The following OR10G8 variants were observed in gnomAD, a reference collection of about 807,000 sequenced individuals.
OR10G8 encodes olfactory receptor family 10 subfamily G member 8.
For missense variants in OR10G8, 386 were observed against 384.9 expected, an observed-to-expected ratio of 1.00 and a Z score of -0.02; for synonymous variants, 173 against 163.2, an observed-to-expected ratio of 1.06 and a Z score of -0.46.
rs140632642 is a variant in OR10G8, at chr11:124,030,265, C to G, written c.643C>G (p.Leu215Val). Residue 215 changes from leucine (L) to valine (V), a missense_variant, in exon 2 of 2, where the codon CTG (leucine) becomes GTG (valine). By Grantham distance (32) the Leu-to-Val change is conservative. Coordinates refer to ENST00000641224, the MANE Select transcript of OR10G8 (RefSeq NM_001004464.2). ...VASGCFVLIV[L>V]SYVSIVCSIL... is the part of the protein sequence containing the mutation. ...CTCGGGCTGCTTTGTCCTGATAGTG[C>G]TGTCCTATGTGTCCATCGTCTGTTC... 3.1e-6 allele frequency: 5 copies of G among 1,614,120 alleles called. No homozygotes were observed. In the African/African-American group the frequency reaches 6.7e-5, roughly 22 times the overall value.
rs1226628293 is a variant in OR10G8, at chr11:124,030,192, C to A, written c.570C>A (p.Asp190Glu). ...APPILKLACA[D>E]TSAIETVIFV... ...CCATCCTGAAACTGGCCTGTGCAGA[C>A]ACCTCAGCCATAGAGACTGTCATTT... Residue 190 changes from aspartate to glutamate, a missense_variant, in exon 2 of 2, where the codon GAC becomes GAA. By Grantham distance (45) the Asp-to-Glu change is conservative. Transcript: ENST00000641224. The A allele has an allele frequency of 6.2e-7, 1 of 1,614,100 alleles. No homozygotes were observed. The highest frequency in any genetic ancestry group is 1.7e-5 in the Admixed American group (1 of 60,024).
rs1864111559 is a variant in OR10G8 at position 124,026,800 on chromosome 11, ATT to A, written c.-94_-93del. The A allele has an allele frequency of 6.6e-6, 1 of 152,150 alleles. No homozygotes were observed. Among genetic ancestry groups the A allele is most frequent in the South Asian group, 2.1e-4 (1 of 4,828 alleles). The allele number at this position is 152,150 out of a possible 1,614,324, so 9.4% of individuals were successfully genotyped here. On this transcript the variant is annotated 5_prime_UTR_variant, in exon 1 of 2. Coordinates refer to ENST00000641224, the MANE Select transcript of OR10G8 (RefSeq NM_001004464.2). ...CACCAAAAAGTGAGGACCATTATGG[ATT>A]ATGGAAAATTTTAAGTTGAGAGCAA...
At chr11:124,029,305 C>A (rs1864132504) in intron 1 of OR10G8, among the ~76,000 whole-genome samples, 1 of 152,040 alleles carries the variant, frequency 6.6e-6, no homozygotes, top group Admixed American at 6.6e-5. Flanking sequence ...GAGGGCGAGA[C>A]AATAAATTTG....
chr11:124,028,233 C>T (rs1352226294), intron 1 of OR10G8, among the ~76,000 whole-genome samples: 4 of 152,184 alleles, frequency 2.6e-5, no homozygotes, highest in African/African-American at 9.7e-5. Context: ...ATATGAATGC[C>T]ATGTTCTCAG....
At position 124,030,033 on chromosome 11, in the gene OR10G8, G is replaced by A. The variant is rs753538705; in HGVS notation, c.411G>A (p.Gly137=). Residue 137 remains glycine (G), a synonymous_variant, in exon 2 of 2, where the codon GGG becomes GGA. Coordinates refer to ENST00000641224, the MANE Select transcript of OR10G8 (RefSeq NM_001004464.2). ...TCAGGTACACCAGCATGATGACTGG[G>A]CGCTCGTGTACTCTTCTGGCCACCA... ...YPLRYTSMMT[G]RSCTLLATST... is the part of the protein sequence containing the mutation. 8 of 1,613,986 alleles carry A rather than the reference G, an allele frequency of 5.0e-6. No homozygotes were observed. The highest frequency in any genetic ancestry group is 3.3e-5 in the South Asian group (3 of 91,082).
intron 1 of OR10G8, among the ~76,000 whole-genome samples, chr11:124,028,182 A>C (rs536473089): frequency 6.6e-6 from 1 of 152,346 alleles, no homozygotes; most frequent in Admixed American, 6.5e-5. Context: ...AGTATGAAAG[A>C]CAGCTGGCCT....
Position 124,030,168 on chromosome 11 carries a change from C to G in OR10G8, c.546C>G (p.Pro182=). The G allele has an allele frequency of 6.2e-7, 1 of 1,614,046 alleles. No homozygotes were observed. Among genetic ancestry groups the G allele is most frequent in the South Asian group, 1.1e-5 (1 of 91,078 alleles). The change falls in exon 2 of 2, where the codon CCC becomes CCG. Residue 182 remains proline, a synonymous_variant. Transcript: ENST00000641224. The part of the protein sequence containing the change: ...WIQHYLCDAP[P]ILKLACADTS... ...AGCACTATTTGTGTGATGCACCGCC[C>G]ATCCTGAAACTGGCCTGTGCAGACA... is the stretch of plus-strand genomic sequence containing the variant.
At position 124,030,220 on chromosome 11, in the gene OR10G8, G is replaced by A. The variant is rs377572598; in HGVS notation, c.598G>A (p.Val200Met). The A allele has an allele frequency of 5.0e-6, 8 of 1,614,024 alleles. No individual in the cohort carries two copies. The highest frequency in any genetic ancestry group is 1.7e-5 in the Admixed American group (1 of 60,002). Residue 200 changes from valine to methionine, a missense_variant, in exon 2 of 2, where the codon GTG becomes ATG. Coordinates refer to ENST00000641224, the MANE Select transcript of OR10G8 (RefSeq NM_001004464.2). Reference sequence around the variant, plus strand: ...CTCAGCCATAGAGACTGTCATTTTTGTGACTGTTGGAATAGTGGCCTCGGG... The same window carrying A: ...CTCAGCCATAGAGACTGTCATTTTTATGACTGTTGGAATAGTGGCCTCGGG... ...DTSAIETVIFVTVGIVASGCF... is the reference protein window; with the variant it reads ...DTSAIETVIFMTVGIVASGCF...
Position 124,029,986 on chromosome 11 carries a change from T to C in OR10G8, c.364T>C (p.Tyr122His). 1 of 1,614,150 alleles carries C rather than the reference T, an allele frequency of 6.2e-7. No homozygotes were observed. The highest frequency in any genetic ancestry group is 8.5e-7 in the Non-Finnish European group (1 of 1,180,022). ...CTACAGGGTCATGTCCTGTGATCGC[T>C]ACCTGGCCATCAGTTACCCGCTCAG... Reference protein sequence around the residue: ...FLYRVMSCDRYLAISYPLRYT... With the variant: ...FLYRVMSCDRHLAISYPLRYT... The change falls in exon 2 of 2, where the codon TAC (tyrosine) becomes CAC (histidine). Residue 122 changes from tyrosine (Y) to histidine (H), a missense_variant. By Grantham distance (83) the Tyr-to-His change is moderately conservative. Coordinates refer to ENST00000641224, the MANE Select transcript of OR10G8 (RefSeq NM_001004464.2).
rs199629354 is a variant in OR10G8 at position 124,030,203 on chromosome 11, T to C, written c.581T>C (p.Ile194Thr). The change falls in exon 2 of 2, where the codon ATA becomes ACA. Residue 194 changes from isoleucine to threonine, a missense_variant. By Grantham distance (89) the Ile-to-Thr change is moderately conservative (BLOSUM62 -1). Coordinates refer to ENST00000641224, the MANE Select transcript of OR10G8 (RefSeq NM_001004464.2). Reference protein sequence around the residue: ...LKLACADTSAIETVIFVTVGI... With the variant: ...LKLACADTSATETVIFVTVGI... ...CTGGCCTGTGCAGACACCTCAGCCATAGAGACTGTCATTTTTGTGACTGTT... is the reference window on the plus strand; with the variant it reads ...CTGGCCTGTGCAGACACCTCAGCCACAGAGACTGTCATTTTTGTGACTGTT... The C allele has an allele frequency of 1.6e-4, 254 of 1,614,102 alleles. No homozygotes were observed. The highest frequency in any genetic ancestry group is 4.4e-4 in the African/African-American group (33 of 75,044).
chr11:124,029,597 G>A lies in OR10G8; in HGVS notation c.-26G>A, dbSNP rs752512457. On this transcript the variant is annotated splice_region_variant and 5_prime_UTR_variant, in exon 2 of 2. Coordinates refer to ENST00000641224, the MANE Select transcript of OR10G8 (RefSeq NM_001004464.2). ...GCTGGGTGCTCTTTATATTCCCAGA[G>A]GGAGAGAGACCAAGGGTGAGAAGAA... The A allele has an allele frequency of 2.5e-6, 4 of 1,604,800 alleles. No homozygotes were observed. The highest frequency in any genetic ancestry group is 2.2e-5 in the East Asian group (1 of 44,678).
intron 1 of OR10G8, among the ~76,000 whole-genome samples, chr11:124,028,758 T>A (rs1591467938): frequency 6.6e-6 from 1 of 152,188 alleles, no homozygotes; most frequent in South Asian, 2.1e-4. Context: ...TTTCAAATAT[T>A]CCCAGCCACT....
chr11:124,029,857 TTGCTGA>T lies in OR10G8; in HGVS notation c.238_243del (p.Leu80_Met81del). On this transcript the variant is annotated inframe_deletion, in exon 2 of 2. Coordinates refer to ENST00000641224, the MANE Select transcript of OR10G8 (RefSeq NM_001004464.2). ...GTTCTCCACTGTCACGGTGCCCAAATTGCTGATGACTTTGGTGTTCCCAAGTGGCAG... is the reference window on the plus strand; with the variant it reads ...GTTCTCCACTGTCACGGTGCCCAAATTGACTTTGGTGTTCCCAAGTGGCAG... 6.2e-7 allele frequency: 1 copy of T among 1,614,152 alleles called. No homozygotes were observed.
intron 1 of OR10G8, 91 bp downstream of exon 1, chr11:124,026,958 A>G (rs148998921): frequency 6.6e-6 from 1 of 152,348 alleles, no homozygotes; most frequent in East Asian, 1.9e-4. Context: ...AACTCTAAGG[A>G]AATGTGTGCA....
chr11:124,029,499 C>T, intron 1 of OR10G8, 97 bp from the exon 2 acceptor site: 1 of 1,125,638 alleles, frequency 8.9e-7, no homozygotes, highest in Admixed American at 2.4e-5. Flanking sequence ...CACAATAACT[C>T]CAGAATTATC....
chr11:124,030,009 C>T lies in OR10G8; in HGVS notation c.387C>T (p.Leu129=), dbSNP rs778779459. 4 of 1,614,186 alleles carry T rather than the reference C, an allele frequency of 2.5e-6. No homozygotes were observed. Among genetic ancestry groups the T allele is most frequent in the Non-Finnish European group, 3.4e-6 (4 of 1,180,032 alleles). Residue 129 remains leucine, a synonymous_variant, in exon 2 of 2, where the codon CTC becomes CTT. Transcript: ENST00000641224. The part of the protein sequence containing the change: ...CDRYLAISYP[L]RYTSMMTGRS... ...GCTACCTGGCCATCAGTTACCCGCT[C>T]AGGTACACCAGCATGATGACTGGGC...
rs772435918 is a variant in OR10G8, at chr11:124,030,155, G to T, written c.533G>T (p.Cys178Phe). 3.1e-6 allele frequency: 5 copies of T among 1,613,912 alleles called. No homozygotes were observed. The highest frequency in any genetic ancestry group is 4.2e-6 in the Non-Finnish European group (5 of 1,179,916). ...CCCAACTGGATCCAGCACTATTTGT[G>T]TGATGCACCGCCCATCCTGAAACTG... The part of the protein sequence containing the change: ...CGPNWIQHYL[C>F]DAPPILKLAC... Residue 178 changes from cysteine to phenylalanine, a missense_variant, in exon 2 of 2, where the codon TGT becomes TTT. Physicochemically the swap from Cys to Phe is radical, Grantham distance 205 (BLOSUM62 -2). Coordinates refer to ENST00000641224, the MANE Select transcript of OR10G8 (RefSeq NM_001004464.2).
intron 1 of OR10G8, among the ~76,000 whole-genome samples, chr11:124,027,483 A>C (rs1016979158): frequency 3.3e-5 from 5 of 152,226 alleles, no homozygotes; most frequent in African/African-American, 1.2e-4. Context: ...GTTAATATGC[A>C]AGTCAAACAT....
chr11:124,029,049 G>GC (rs140603317), intron 1 of OR10G8, among the ~76,000 whole-genome samples: 9,471 of 152,100 alleles, frequency 0.062, 378 homozygotes, highest in Non-Finnish European at 0.088. Context: ...TTTTAAGAAG[G>GC]CCAAGTAGCT....
Sources: gnomAD v4.1 joint callset for allele counts (sites outside exome capture counted in the v4.1 genomes callset) on GRCh38, gnomAD v4.1.1 for gene constraint, MANE v1.5 for transcripts, NCBI Gene and HGNC (gene_info 2026-07-23, HGNC 2026-07-21) for gene names.